The following TRPV5 variants were observed in gnomAD, a reference collection of about 807,000 sequenced individuals.
TRPV5 encodes calcium transport protein 2.
In TRPV5, 66 loss-of-function variants were observed where a neutral mutation model predicts 74.1. That is an observed-to-expected ratio of 0.89 (90% CI 0.73 to 1.09). The LOEUF (loss-of-function observed/expected upper bound fraction) is 1.09, where lower values mean the gene tolerates loss of function less well. Ranked by LOEUF, TRPV5 falls within the 50% of genes least tolerant of loss-of-function variation. The pLI is 0.00. For synonymous variants in TRPV5, 399 were observed against 360.7 expected, an observed-to-expected ratio of 1.11 and a Z score of -1.20; for missense variants, 936 against 930.4, an observed-to-expected ratio of 1.01 and a Z score of -0.08.
At chr7:142,909,971 A>T (rs976116317) in intron 13 of TRPV5, among the ~76,000 whole-genome samples, 2 of 152,246 alleles carry the variant, frequency 1.3e-5, no homozygotes, top group African/African-American at 4.8e-5. Flanking sequence ...GGATGAATTG[A>T]TACTGTTACT....
intron 1 of TRPV5, 92 bp from the exon 2 acceptor site, chr7:142,930,538 G>A (rs755155226): frequency 1.8e-5 from 17 of 950,276 alleles, no homozygotes; most frequent in Non-Finnish European, 2.6e-5. Flanking sequence ...TAAGACCAAC[G>A]TGACTCACAC....
intron 8 of TRPV5, among the ~76,000 whole-genome samples, chr7:142,917,340 C>T (rs1244041099): frequency 6.6e-6 from 1 of 151,908 alleles, no homozygotes; most frequent in African/African-American, 2.4e-5. Flanking sequence ...GCATCTATGC[C>T]ATATATGTGT....
chr7:142,918,597 G>T (rs182332615), intron 8 of TRPV5, among the ~76,000 whole-genome samples: 1 of 152,228 alleles, frequency 6.6e-6, no homozygotes, highest in African/African-American at 2.4e-5. Context: ...TGGCAGTGGA[G>T]AGTGTTCTTT....
chr7:142,910,031 G>A (rs1468477345), intron 13 of TRPV5, among the ~76,000 whole-genome samples: 2 of 152,192 alleles, frequency 1.3e-5, no homozygotes, highest in African/African-American at 2.4e-5. Context: ...GGAAGGAAAA[G>A]GGTTGATTAA....
At chr7:142,914,843 T>G (rs554387071) in intron 11 of TRPV5, 38 bp downstream of exon 11, 134 of 1,612,318 alleles carry the variant, frequency 8.3e-5, no homozygotes, top group Non-Finnish European at 1.1e-4. Flanking sequence ...GTGAAGGTCT[T>G]GTGCCTGAGG....
chr7:142,932,001 CAA>C (rs992787165), intron 1 of TRPV5, among the ~76,000 whole-genome samples: 2 of 152,192 alleles, frequency 1.3e-5, no homozygotes, highest in African/African-American at 4.8e-5. Context: ...CACGCCCAGC[CAA>C]AGTGTTTTCA....
chr7:142,915,041 G>A lies in TRPV5; in HGVS notation c.1292C>T (p.Thr431Ile), dbSNP rs761286206. The A allele has an allele frequency of 3.1e-6, 5 of 1,613,708 alleles. No individual in the cohort carries two copies. The highest frequency in any genetic ancestry group is 1.7e-5 in the Admixed American group (1 of 59,970). Residue 431 changes from threonine (T) to isoleucine (I), a missense_variant, in exon 11 of 15, where the codon ACC (threonine) becomes ATC (isoleucine). Thr to Ile is a moderately conservative substitution (Grantham distance 89, BLOSUM62 -1). Coordinates refer to ENST00000265310, the MANE Select transcript of TRPV5 (RefSeq NM_019841.7). ...LGGPFHVIII[T>I]YASLVLVTMV... is the part of the protein sequence containing the mutation. Reference sequence around the variant, plus strand: ...GGTCACCAGCACCAGGGAGGCATAGGTGATGCTGGGGGAGCAGAAAGCAGA... The same window carrying A: ...GGTCACCAGCACCAGGGAGGCATAGATGATGCTGGGGGAGCAGAAAGCAGA...
chr7:142,914,985 C>T lies in TRPV5; in HGVS notation c.1348G>A (p.Glu450Lys). 6.2e-7 allele frequency: 1 copy of T among 1,614,144 alleles called. No individual in the cohort carries two copies. The highest frequency in any genetic ancestry group is 8.5e-7 in the Non-Finnish European group (1 of 1,180,024). ...MVMRLTNTNGEVVPMSFALVL... is the reference protein window; with the variant it reads ...MVMRLTNTNGKVVPMSFALVL... ...AGGGCAAAGGACATGGGCACCACCT[C>T]CCCATTGGTGTTGGTGAGCCGCATC... The change falls in exon 11 of 15, where the codon GAG becomes AAG. Residue 450 changes from glutamate to lysine, a missense_variant. Glu to Lys is a moderately conservative substitution (Grantham distance 56, BLOSUM62 1). Transcript: ENST00000265310.
At chr7:142,909,920 G>A (rs983607068) in intron 13 of TRPV5, among the ~76,000 whole-genome samples, 2 of 152,150 alleles carry the variant, frequency 1.3e-5, no homozygotes, top group African/African-American at 4.8e-5. Flanking sequence ...CAATTATCTC[G>A]ATTTAAATAA....
In TRPV5 at chr7:142,930,128, C is replaced by T; in HGVS notation, c.279G>A (p.Glu93=). 15 of 1,614,236 alleles carry T rather than the reference C, an allele frequency of 9.3e-6. No homozygotes were observed. Among genetic ancestry groups the T allele is most frequent in the Non-Finnish European group, 1.2e-5 (14 of 1,180,034 alleles). ...CAGCCTCCATCAGCACCAAGGCCGCCTCCAAGTTGTCATAGAGGGCTGCTA... is the reference window on the plus strand; with the variant it reads ...CAGCCTCCATCAGCACCAAGGCCGCTTCCAAGTTGTCATAGAGGGCTGCTA... ...LHIAALYDNL[E]AALVLMEAAP... The change falls in exon 3 of 15, where the codon GAG becomes GAA. Residue 93 remains glutamate, a synonymous_variant. Transcript: ENST00000265310.
chr7:142,915,574 T>G lies in TRPV5; in HGVS notation c.1123-6A>C. ...TCACGTGTCTCATAGGCCTCCTATG[T>G]GGGGAAATTCAGAAGAAGTGCTTTC... is the stretch of plus-strand genomic sequence containing the variant. On this transcript the variant is annotated splice_polypyrimidine_tract_variant and splice_region_variant and intron_variant, in intron 8 of 14. Coordinates refer to ENST00000265310, the MANE Select transcript of TRPV5 (RefSeq NM_019841.7). 6.2e-7 allele frequency: 1 copy of G among 1,613,718 alleles called. No individual in the cohort carries two copies. The highest frequency in any genetic ancestry group is 8.5e-7 in the Non-Finnish European group (1 of 1,179,726).
intron 13 of TRPV5, among the ~76,000 whole-genome samples, chr7:142,909,963 A>G (rs1335563176): frequency 6.6e-6 from 1 of 152,242 alleles, no homozygotes; most frequent in African/African-American, 2.4e-5. Context: ...GATCTTGGGG[A>G]TGAATTGATA....
chr7:142,926,369 A>C (rs571494349), intron 7 of TRPV5, among the ~76,000 whole-genome samples: 1 of 152,310 alleles, frequency 6.6e-6, no homozygotes, highest in East Asian at 1.9e-4. Flanking sequence ...GTGAGACGTT[A>C]AAGATACACA....
At chr7:142,913,793 T>A (rs752537896) in intron 12 of TRPV5, among the ~76,000 whole-genome samples, 2 of 152,196 alleles carry the variant, frequency 1.3e-5, no homozygotes, top group Non-Finnish European at 2.9e-5. Context: ...TTTTTAGAGA[T>A]GGGGGGATCC....
chr7:142,928,624 C>T (rs1796028343), intron 6 of TRPV5, 67 bp downstream of exon 6: 1 of 1,528,920 alleles, frequency 6.5e-7, no homozygotes, highest in African/African-American at 1.4e-5. Flanking sequence ...CTCTATTTCT[C>T]CCAGGGCCAG....
chr7:142,924,459 A>T (rs1282574692), intron 8 of TRPV5, among the ~76,000 whole-genome samples: 2 of 150,146 alleles, frequency 1.3e-5, no homozygotes, highest in African/African-American at 4.9e-5. Context: ...TACCTAGCAT[A>T]GGGTTCATTT....
chr7:142,915,373 A>G lies in TRPV5; in HGVS notation c.1220T>C (p.Ile407Thr). 1.2e-6 allele frequency: 2 copies of G among 1,607,352 alleles called. No individual in the cohort carries two copies. The highest frequency in any genetic ancestry group is 1.7e-6 in the Non-Finnish European group (2 of 1,178,402). ...VIILLLEIPD[I>T]FRVGASRYFG... ...ATAGCGAGAGGCACCAACCCTGAAG[A>G]TGTCTGGAATCTGGGGAGAGGACGG... is the stretch of plus-strand genomic sequence containing the variant. Residue 407 changes from isoleucine (I) to threonine (T), a missense_variant, in exon 10 of 15, where the codon ATC (isoleucine) becomes ACC (threonine). By Grantham distance (89) the Ile-to-Thr change is moderately conservative. Transcript: ENST00000265310.
chr7:142,924,591 C>T (rs2116597902), intron 8 of TRPV5, among the ~76,000 whole-genome samples: 1 of 151,934 alleles, frequency 6.6e-6, no homozygotes, highest in East Asian at 1.9e-4. Context: ...TACCCTGCTT[C>T]CTAGTCCAGG....
Position 142,908,736 on chromosome 7 carries a change from C to T in TRPV5, c.1968G>A (p.Lys656=), listed in dbSNP as rs387907541. Residue 656 remains lysine, a synonymous_variant, in exon 15 of 15, where the codon AAG becomes AAA. Coordinates refer to ENST00000265310, the MANE Select transcript of TRPV5 (RefSeq NM_019841.7). Reference sequence around the variant, plus strand: ...CAGATGGATGCTCCTGGTCATCCTCCTTGTCTGAGTTCTTGAACACTTCCA... The same window carrying T: ...CAGATGGATGCTCCTGGTCATCCTCTTTGTCTGAGTTCTTGAACACTTCCA... ...RYVEVFKNSD[K]EDDQEHPSEK... is the part of the protein sequence containing the mutation. The T allele has an allele frequency of 5.6e-6, 9 of 1,614,154 alleles. No homozygotes were observed. The highest frequency in any genetic ancestry group is 1.7e-5 in the Admixed American group (1 of 60,032).
Sources: allele counts gnomAD v4.1 joint callset (sites outside exome capture counted in the v4.1 genomes callset), GRCh38; gene constraint gnomAD v4.1.1; transcripts MANE v1.5; gene names NCBI Gene and HGNC (gene_info 2026-07-23, HGNC 2026-07-21).